TBC1D12: variants seen among roughly 807,000 people sequenced by gnomAD.
TBC1D12 encodes the protein TBC1 domain family member 12, also known as TBC1 domain family, member 12.
Under a neutral mutation model 86.7 loss-of-function variants are expected in TBC1D12, and 56 were observed. The observed-to-expected ratio is 0.65, with a 90% CI of 0.52 to 0.81. The LOEUF (loss-of-function observed/expected upper bound fraction) is 0.81, where lower values mean the gene tolerates loss of function less well. Ranked by LOEUF, TBC1D12 falls within the 30% of genes least tolerant of loss-of-function variation. The pLI, the probability that TBC1D12 is intolerant of heterozygous loss-of-function variation, is 0.00. For synonymous variants in TBC1D12, 421 were observed against 411.7 expected (o/e 1.02, Z -0.27); for missense variants, 1,023 against 1,038.8 (o/e 0.98, Z 0.21).
At chr10:94,435,150 G>C (rs911894557) in intron 1 of TBC1D12, among the ~76,000 whole-genome samples, 1 of 152,194 alleles carries the variant, frequency 6.6e-6, no homozygotes, top group Non-Finnish European at 1.5e-5. Context: ...CTTTTGAACA[G>C]TGTTGTCCTG....
intron 1 of TBC1D12, among the ~76,000 whole-genome samples, chr10:94,412,065 A>G (rs1322793836): frequency 6.6e-6 from 1 of 152,204 alleles, no homozygotes; most frequent in Non-Finnish European, 1.5e-5. Flanking sequence ...ATGGTGCTTA[A>G]AAATGCTGGT....
chr10:94,484,353 T>C (rs2056127975), intron 3 of TBC1D12, among the ~76,000 whole-genome samples: 1 of 151,772 alleles, frequency 6.6e-6, no homozygotes, highest in African/African-American at 2.4e-5. Flanking sequence ...GTTCAAGCGA[T>C]TCTCCTGCCT....
In TBC1D12 at chr10:94,521,871, G is replaced by A. The variant is rs1842162507; in HGVS notation, c.1762-84G>A. On this transcript the variant is annotated intron_variant, in intron 9 of 12. Transcript: ENST00000225235. ...GTTAATTCTACTTTGTAATGTCACT[G>A]TAATTTTTCAGGAGTACAATAAAAT... 3.2e-6 allele frequency: 4 copies of A among 1,250,480 alleles called. No individual in the cohort carries two copies. The East Asian group carries it at 7.9e-5, about 25-fold the overall frequency. 77.5% of individuals were successfully genotyped at this position (1,250,480 alleles called of 1,614,324 possible).
intron 3 of TBC1D12, among the ~76,000 whole-genome samples, chr10:94,483,208 T>C (rs1161349267): frequency 6.6e-6 from 1 of 152,168 alleles, no homozygotes; most frequent in Non-Finnish European, 1.5e-5. Context: ...CTGTGAATAG[T>C]GCAGCAATAA....
chr10:94,507,441 C>G, intron 7 of TBC1D12, 94 bp downstream of exon 7: 1 of 1,082,662 alleles, frequency 9.2e-7, no homozygotes, highest in Non-Finnish European at 1.3e-6. Flanking sequence ...CATATATCAT[C>G]TTATTTAATC....
In TBC1D12 at chr10:94,403,567, C is replaced by T. The variant is rs1262129771; in HGVS notation, c.954C>T (p.Phe318=). The T allele has an allele frequency of 6.8e-7, 1 of 1,475,954 alleles. No homozygotes were observed. The highest frequency in any genetic ancestry group is 8.9e-7 in the Non-Finnish European group (1 of 1,123,776). 91.4% of individuals were successfully genotyped at this position (1,475,954 alleles called of 1,614,324 possible). A position where few individuals can be genotyped will look rare whatever the true frequency, so the allele number is the denominator to read the frequency against. Residue 318 remains phenylalanine, a synonymous_variant, in exon 1 of 13, where the codon TTC becomes TTT. Transcript: ENST00000225235. ...CCCGGGCTCGACGGAGTGGCGGCTT[C>T]GCGGACTTCTTCACCAGGTACAGCG... The part of the protein sequence containing the change: ...ASARARRSGG[F]ADFFTRNLFP...
At chr10:94,521,866 T>G (rs1055135770) in intron 9 of TBC1D12, 89 bp from the exon 10 acceptor site, 2 of 1,187,972 alleles carry the variant, frequency 1.7e-6, no homozygotes, top group Admixed American at 2.7e-5. Context: ...CTTTGTAATG[T>G]CACTGTAATT....
chr10:94,437,152 A>G (rs929145896), intron 1 of TBC1D12, among the ~76,000 whole-genome samples: 1 of 151,364 alleles, frequency 6.6e-6, no homozygotes, highest in Non-Finnish European at 1.5e-5. Context: ...CTTATTGAGG[A>G]TCTCTGGTTT....
chr10:94,497,227 CT>C (rs557817813), intron 5 of TBC1D12, 55 bp downstream of exon 5: 102,635 of 693,694 alleles, frequency 0.15, 15 homozygotes, highest in South Asian at 0.19. Context: ...TCTCATGTTT[CT>C]TTTTTTTTTT....
intron 9 of TBC1D12, among the ~76,000 whole-genome samples, chr10:94,517,500 T>C (rs938828959): frequency 6.6e-6 from 1 of 152,212 alleles, no homozygotes; most frequent in Non-Finnish European, 1.5e-5. Context: ...TTTTAGAATA[T>C]GTTTTAAATA....
At chr10:94,487,239 G>A (rs1315507885) in intron 3 of TBC1D12, among the ~76,000 whole-genome samples, 1 of 133,212 alleles carries the variant, frequency 7.5e-6, no homozygotes, top group Non-Finnish European at 1.6e-5. Context: ...CATATCATTG[G>A]GTCTTTTTTT....
At chr10:94,478,942 G>A (rs758680133) in intron 3 of TBC1D12, among the ~76,000 whole-genome samples, 4 of 151,860 alleles carry the variant, frequency 2.6e-5, no homozygotes, top group Admixed American at 6.6e-5. Flanking sequence ...GTGACAAAGC[G>A]AGACTCTGTC....
At chr10:94,501,989 G>C (rs936205569) in intron 6 of TBC1D12, among the ~76,000 whole-genome samples, 1 of 151,752 alleles carries the variant, frequency 6.6e-6, no homozygotes, top group Non-Finnish European at 1.5e-5. Flanking sequence ...TGATTGTGCC[G>C]CAGCACTCCA....
chr10:94,414,385 T>C (rs778851285), intron 1 of TBC1D12, among the ~76,000 whole-genome samples: 1 of 152,212 alleles, frequency 6.6e-6, no homozygotes, highest in Non-Finnish European at 1.5e-5. Context: ...AAATGTTAGG[T>C]AGAAGTTAGC....
chr10:94,416,192 A>G (rs963933892), intron 1 of TBC1D12, among the ~76,000 whole-genome samples: 1 of 152,366 alleles, frequency 6.6e-6, no homozygotes, highest in Non-Finnish European at 1.5e-5. Flanking sequence ...GCATATCATC[A>G]GTTCAGGATG....
chr10:94,513,280 C>G lies in TBC1D12; in HGVS notation c.1761+1626C>G, dbSNP rs146025401. Among the ~76,000 whole-genome samples the G allele has an allele frequency of 1.8e-3, 265 of 148,432 alleles. 3 individuals carry two copies. The highest frequency in any genetic ancestry group is 6.2e-3 in the African/African-American group (252 of 40,364). On this transcript the variant is annotated intron_variant, in intron 9 of 12. Coordinates refer to ENST00000225235, the MANE Select transcript of TBC1D12 (RefSeq NM_015188.2). ...AAAAAAAAAGTGTCCCCAGGCTGGG[C>G]ACAGTGTCTCATACCTGTAAATCCC...
intron 1 of TBC1D12, among the ~76,000 whole-genome samples, chr10:94,408,021 T>TAGAA (rs1389748789): frequency 6.6e-6 from 1 of 152,244 alleles, no homozygotes; most frequent in African/African-American, 2.4e-5. Context: ...CATGTCTTGT[T>TAGAA]TTCTAAGTAG....
rs141439226 is a variant in TBC1D12, at chr10:94,518,197, G to A, written c.1762-3758G>A. 3.9e-5 allele frequency among the ~76,000 whole-genome samples: 6 copies of A among 152,042 alleles called. No individual in the cohort carries two copies. In the East Asian group the frequency reaches 1.2e-3, roughly 29 times the overall value. ...CCTAGGACTCTCCCTCAAGGACTAT[G>A]CATTCTTTTTTTTCTTTTCTTTTTC... On this transcript the variant is annotated intron_variant, in intron 9 of 12. Coordinates refer to ENST00000225235, the MANE Select transcript of TBC1D12 (RefSeq NM_015188.2).
At chr10:94,477,650 T>C (rs1173880770) in intron 3 of TBC1D12, among the ~76,000 whole-genome samples, 1 of 152,170 alleles carries the variant, frequency 6.6e-6, no homozygotes, top group Admixed American at 6.5e-5. Context: ...GTTTCTTCTG[T>C]TTATGGATGC....
Sources: allele counts gnomAD v4.1 joint callset (sites outside exome capture counted in the v4.1 genomes callset), GRCh38; gene constraint gnomAD v4.1.1; transcripts MANE v1.5; gene names NCBI Gene and HGNC (gene_info 2026-07-23, HGNC 2026-07-21).